Variants in ABTB3 observed in about 807,000 individuals in gnomAD.
ABTB3 encodes ankyrin repeat- and BTB/POZ domain-containing protein 3.
chr12:107,560,247 C>T, the ABTB3 span, among the ~76,000 whole-genome samples: 1 of 152,246 alleles, frequency 6.6e-6, no homozygotes, highest in South Asian at 2.1e-4. Flanking sequence ...TTTAAAACTA[C>T]CCACAGTGGT....
chr12:107,562,628 G>A, the ABTB3 span, among the ~76,000 whole-genome samples: 2 of 152,184 alleles, frequency 1.3e-5, no homozygotes, highest in African/African-American at 2.4e-5. Flanking sequence ...TTCCATATGT[G>A]ACAAGAAGCT....
At chr12:107,540,363 G>A in the ABTB3 span, among the ~76,000 whole-genome samples, 5 of 152,060 alleles carry the variant, frequency 3.3e-5, no homozygotes, top group African/African-American at 4.8e-5. Context: ...TCCAGGCCTC[G>A]GCCACTTGGA....
the ABTB3 span, chr12:107,635,282 C>T: frequency 6.2e-7 from 1 of 1,612,276 alleles, no homozygotes; most frequent in Non-Finnish European, 8.5e-7. Context: ...TTCTTTTCTG[C>T]AGAATGAAGT....
At chr12:107,491,262 A>G in the ABTB3 span, among the ~76,000 whole-genome samples, 1 of 152,160 alleles carries the variant, frequency 6.6e-6, no homozygotes, top group African/African-American at 2.4e-5. Context: ...CAGTCCCCAC[A>G]TGCCCAGCCT....
At chr12:107,372,242 G>A in the ABTB3 span, among the ~76,000 whole-genome samples, 186 of 152,278 alleles carry the variant, frequency 1.2e-3, no homozygotes, top group Middle Eastern at 6.8e-3. Flanking sequence ...TGTTGAAATT[G>A]TACTCAGGAC....
At chr12:107,575,390 C>G in the ABTB3 span, among the ~76,000 whole-genome samples, 4 of 152,064 alleles carry the variant, frequency 2.6e-5, no homozygotes, top group African/African-American at 9.7e-5. Context: ...CGGTACCAGG[C>G]GCCACGCTAA....
chr12:107,507,893 T>G, the ABTB3 span, among the ~76,000 whole-genome samples: 4 of 152,254 alleles, frequency 2.6e-5, no homozygotes, highest in Non-Finnish European at 5.9e-5. Context: ...CCAATTTCTG[T>G]TTGTGCCATC....
the ABTB3 span, among the ~76,000 whole-genome samples, chr12:107,573,507 T>C: frequency 6.6e-6 from 1 of 151,784 alleles, no homozygotes; most frequent in Non-Finnish European, 1.5e-5. Flanking sequence ...GATGGATGGA[T>C]GGATAGATGG....
At chr12:107,627,759 G>A in the ABTB3 span, among the ~76,000 whole-genome samples, 1 of 152,248 alleles carries the variant, frequency 6.6e-6, no homozygotes, top group African/African-American at 2.4e-5. Flanking sequence ...TCCCAACCCA[G>A]TCATCTGAAT....
the ABTB3 span, among the ~76,000 whole-genome samples, chr12:107,560,559 A>C: frequency 2.0e-5 from 3 of 152,200 alleles, no homozygotes; most frequent in Non-Finnish European, 4.4e-5. Flanking sequence ...ATCTCCCTCT[A>C]TTCTCACAGC....
the ABTB3 span, among the ~76,000 whole-genome samples, chr12:107,572,780 C>G: frequency 0.54 from 81,662 of 151,970 alleles, 22,304 homozygotes; most frequent in African/African-American, 0.62. Context: ...GGAAATGAAG[C>G]CTAGAGGATG....
At chr12:107,646,371 G>A in the ABTB3 span, among the ~76,000 whole-genome samples, 1 of 152,222 alleles carries the variant, frequency 6.6e-6, no homozygotes. Context: ...CTGGAATATA[G>A]GAGACCACGT....
the ABTB3 span, among the ~76,000 whole-genome samples, chr12:107,371,408 G>A: frequency 6.6e-6 from 1 of 152,158 alleles, no homozygotes; most frequent in Admixed American, 6.5e-5. Context: ...AGGCTTCTAC[G>A]AAGCTTTAGG....
the ABTB3 span, among the ~76,000 whole-genome samples, chr12:107,433,296 C>CA: frequency 0.082 from 1,902 of 23,110 alleles, 497 homozygotes; most frequent in Middle Eastern, 0.12. Flanking sequence ...GACTCCGTCT[C>CA]AAAAAAAAAA....
At chr12:107,406,963 G>A in the ABTB3 span, among the ~76,000 whole-genome samples, 3 of 152,060 alleles carry the variant, frequency 2.0e-5, no homozygotes, top group African/African-American at 4.8e-5. Context: ...TTTGAGTCCC[G>A]ACTCTACCCC....
At chr12:107,618,132 A>T in the ABTB3 span, 4 of 1,606,110 alleles carry the variant, frequency 2.5e-6, no homozygotes, top group Non-Finnish European at 3.4e-6. Flanking sequence ...TCTGAGTGTC[A>T]TCCTCTCTGG....
At chr12:107,530,949 G>A in the ABTB3 span, among the ~76,000 whole-genome samples, 6 of 152,184 alleles carry the variant, frequency 3.9e-5, no homozygotes, top group Admixed American at 2.0e-4. Flanking sequence ...CTGAGAGCTG[G>A]CCAAGGCTTC....
the ABTB3 span, among the ~76,000 whole-genome samples, chr12:107,362,019 C>T: frequency 6.6e-6 from 1 of 152,190 alleles, no homozygotes; most frequent in African/African-American, 2.4e-5. Flanking sequence ...CCTCATTAGA[C>T]ATTGAATCTG....
chr12:107,609,000 T>G, the ABTB3 span, among the ~76,000 whole-genome samples: 1 of 137,328 alleles, frequency 7.3e-6, no homozygotes, highest in African/African-American at 3.0e-5. Flanking sequence ...TAAAATAAAA[T>G]AAAATAAAAT....
Sources: allele counts gnomAD v4.1 joint callset (sites outside exome capture counted in the v4.1 genomes callset), GRCh38; gene constraint gnomAD v4.1.1; transcripts MANE v1.5; gene names NCBI Gene and HGNC (gene_info 2026-07-23, HGNC 2026-07-21).